ABCB11: variants seen among roughly 807,000 people sequenced by gnomAD.
ABCB11 encodes bile salt export pump.
A neutral mutation model predicts 148.0 loss-of-function variants in ABCB11; 95 were observed. That is an observed-to-expected ratio of 0.64 (90% CI 0.54 to 0.76). The LOEUF is 0.76. Among genes scored for constraint, ABCB11 ranks in the 30% least tolerant of loss-of-function variants. ABCB11 has a pLI of 0.00. For missense variants in ABCB11, 1,523 were observed against 1,617.8 expected, an observed-to-expected ratio of 0.94 and a Z score of 1.01; for synonymous variants, 591 against 555.4, an observed-to-expected ratio of 1.06 and a Z score of -0.90.
chr2:169,003,425 C>T (rs1200857914), intron 5 of ABCB11, among the ~76,000 whole-genome samples: 1 of 148,490 alleles, frequency 6.7e-6, no homozygotes, highest in Non-Finnish European at 1.5e-5. Flanking sequence ...ATATATATTA[C>T]ATATATATCA....
At chr2:168,917,984 G>T (rs1690974113), downstream of ABCB11, among the ~76,000 whole-genome samples, 2 of 152,120 alleles carry the variant, frequency 1.3e-5, no homozygotes, top group South Asian at 2.1e-4. Context: ...GCAATATTTT[G>T]GATATGTTGG....
rs574272502 is a variant in ABCB11, at chr2:168,933,401, C to T, written c.3057-868G>A. Among the ~76,000 whole-genome samples, 33 of 152,122 alleles carry T rather than the reference C, an allele frequency of 2.2e-4. 1 individual carries two copies. Among genetic ancestry groups the T allele is most frequent in the South Asian group, 2.1e-4 (1 of 4,812 alleles). On this transcript the variant is annotated intron_variant, in intron 23 of 27. Coordinates refer to ENST00000650372, the MANE Select transcript of ABCB11 (RefSeq NM_003742.4). The stretch of plus-strand genomic sequence containing the variant: ...CTATAGTCAACATGTACTTAATTAA[C>T]GAAAGAGTGAATGAATAAATGAATG...
intron 5 of ABCB11, among the ~76,000 whole-genome samples, chr2:169,003,849 G>A (rs898392926): frequency 6.6e-6 from 1 of 152,138 alleles, no homozygotes; most frequent in Non-Finnish European, 1.5e-5. Flanking sequence ...TTGCTTGGTA[G>A]TGGCAAGTTC....
At chr2:168,918,322 A>T (rs953650860), downstream of ABCB11, among the ~76,000 whole-genome samples, 8 of 152,352 alleles carry the variant, frequency 5.3e-5, no homozygotes, top group African/African-American at 1.9e-4. Context: ...GACCATCAAT[A>T]GACATTTTAG....
chr2:168,998,397 T>A (rs1573959695), intron 5 of ABCB11, among the ~76,000 whole-genome samples: 1 of 152,130 alleles, frequency 6.6e-6, no homozygotes, highest in African/African-American at 2.4e-5. Flanking sequence ...GTGACTATAA[T>A]AGTTAACAAT....
intron 15 of ABCB11, 104 bp from the exon 16 acceptor site, chr2:168,969,655 T>A: frequency 9.5e-7 from 1 of 1,057,220 alleles, no homozygotes. Context: ...CCTTGGTCCC[T>A]GGGAATATTC....
At chr2:168,976,255 T>A (rs1451555088) in intron 12 of ABCB11, among the ~76,000 whole-genome samples, 1 of 152,138 alleles carries the variant, frequency 6.6e-6, no homozygotes, top group Admixed American at 6.6e-5. Flanking sequence ...ATTGTTGTAA[T>A]TGCCTTGTCA....
At chr2:168,976,546 T>G in intron 12 of ABCB11, 31 bp downstream of exon 12, 1 of 1,269,238 alleles carries the variant, frequency 7.9e-7, no homozygotes, top group South Asian at 1.5e-5. Context: ...AAGAAAACAT[T>G]TACTATTCTG....
At chr2:168,971,726 A>G in intron 14 of ABCB11, 121 bp downstream of exon 14, 1 of 951,444 alleles carries the variant, frequency 1.1e-6, no homozygotes, top group Non-Finnish European at 1.6e-6. Flanking sequence ...GCATGAAACT[A>G]AAACATGGCT....
chr2:169,011,213 C>T (rs1319566291), intron 5 of ABCB11, among the ~76,000 whole-genome samples: 1 of 152,190 alleles, frequency 6.6e-6, no homozygotes, highest in Non-Finnish European at 1.5e-5. Flanking sequence ...ATAAGATATA[C>T]TTGAGGACCT....
chr2:169,008,261 C>T (rs1695080852), intron 5 of ABCB11, among the ~76,000 whole-genome samples: 1 of 152,180 alleles, frequency 6.6e-6, no homozygotes, highest in South Asian at 2.1e-4. Flanking sequence ...GCTGACAGGG[C>T]TGTGTTCCCT....
intron 9 of ABCB11, among the ~76,000 whole-genome samples, chr2:168,988,389 C>G (rs1200920516): frequency 1.3e-5 from 2 of 152,060 alleles, no homozygotes; most frequent in Non-Finnish European, 2.9e-5. Context: ...TTTCACTTAA[C>G]ATAATGTCCT....
At chr2:168,955,571 C>T (rs773582625) in intron 19 of ABCB11, among the ~76,000 whole-genome samples, 5 of 151,612 alleles carry the variant, frequency 3.3e-5, no homozygotes, top group African/African-American at 1.2e-4. Context: ...CCTTCTTCAA[C>T]ATGTGGGGAT....
At chr2:168,926,470 A>T (rs926555919) in intron 26 of ABCB11, among the ~76,000 whole-genome samples, 2 of 152,182 alleles carry the variant, frequency 1.3e-5, no homozygotes, top group African/African-American at 4.8e-5. Context: ...TCCCAAAGCT[A>T]TGAAGCTACT....
chr2:168,927,388 A>C, intron 25 of ABCB11, 26 bp from the exon 26 acceptor site: 1 of 1,589,258 alleles, frequency 6.3e-7, no homozygotes, highest in South Asian at 1.1e-5. Context: ...ATGACAGGTC[A>C]TTAGGTTTTT....
At position 168,995,462 on chromosome 2, in the gene ABCB11, GGCAATGACCCAAAA is replaced by G. The variant is rs1367151186; in HGVS notation, c.484_497del (p.Phe162ArgfsTer14). The G allele has an allele frequency of 6.2e-7, 1 of 1,611,084 alleles. No homozygotes were observed. The highest frequency in any genetic ancestry group is 8.5e-7 in the Non-Finnish European group (1 of 1,178,520). On this transcript the variant is annotated frameshift_variant, in exon 7 of 28. Coordinates refer to ENST00000650372, the MANE Select transcript of ABCB11 (RefSeq NM_003742.4). LOFTEE classifies it high-confidence loss of function. ...TCATTTTCTGTATCTGACGAGCTGC[GGCAATGACCCAAAA>G]GCATATCTGGAAATGGACAAAGGAA...
chr2:168,926,752 T>C (rs1030792488), intron 26 of ABCB11, among the ~76,000 whole-genome samples: 5 of 152,216 alleles, frequency 3.3e-5, no homozygotes, highest in Non-Finnish European at 5.9e-5. Context: ...ATATTTCTTA[T>C]CAGAAATGCT....
chr2:168,952,012 A>T (rs1101533), intron 19 of ABCB11, among the ~76,000 whole-genome samples: 76,501 of 151,400 alleles, frequency 0.51, 20,011 homozygotes, highest in South Asian at 0.66. Context: ...TTTTCCCTTA[A>T]TATTGTTTAT....
chr2:169,019,392 T>C (rs941560468), intron 1 of ABCB11, among the ~76,000 whole-genome samples: 1 of 152,168 alleles, frequency 6.6e-6, no homozygotes, highest in Admixed American at 6.5e-5. Flanking sequence ...TTGATTGGAA[T>C]AGATATCAGT....
Sources: allele counts gnomAD v4.1 joint callset (sites outside exome capture counted in the v4.1 genomes callset), GRCh38; gene constraint gnomAD v4.1.1; transcripts MANE v1.5; gene names NCBI Gene and HGNC (gene_info 2026-07-23, HGNC 2026-07-21).